The following NFKB1 variants were observed in gnomAD, a reference collection of about 807,000 sequenced individuals.
The protein encoded by NFKB1 is nuclear factor kappa B subunit 1, also known as nuclear factor NF-kappa-B p105 subunit.
In NFKB1, 9 loss-of-function variants were observed where a neutral mutation model predicts 105.1. The ratio of observed to expected loss-of-function variants is 0.09; its 90% CI spans 0.05 to 0.15. The LOEUF is 0.15. Among genes scored for constraint, NFKB1 ranks in the 10% least tolerant of loss-of-function variants. The pLI, the probability that NFKB1 is intolerant of heterozygous loss-of-function variation, is 1.00. For synonymous variants in NFKB1, 440 were observed against 442.2 expected, an observed-to-expected ratio of 1.00 and a Z score of 0.06; for missense variants, 830 against 1,203.7, an observed-to-expected ratio of 0.69 and a Z score of 4.59.
intron 5 of NFKB1, among the ~76,000 whole-genome samples, chr4:102,549,339 A>G (rs1243964822): frequency 6.7e-6 from 1 of 149,550 alleles, no homozygotes; most frequent in Non-Finnish European, 1.5e-5. Flanking sequence ...GTGTTGTTTT[A>G]TATACATAAA....
intron 2 of NFKB1, among the ~76,000 whole-genome samples, chr4:102,527,305 G>A (rs968192786): frequency 6.6e-6 from 1 of 152,154 alleles, no homozygotes; most frequent in African/African-American, 2.4e-5. Flanking sequence ...GCAGAGTTAC[G>A]GAGGACTTTC....
chr4:102,515,108 T>TTATTA (rs1491423281), intron 1 of NFKB1, among the ~76,000 whole-genome samples: 10 of 80,294 alleles, frequency 1.2e-4, no homozygotes, highest in African/African-American at 7.6e-4. Flanking sequence ...ATTATTATTA[T>TTATTA]TTTTTTTTTT....
At chr4:102,555,559 A>G (rs1391299440) in intron 5 of NFKB1, among the ~76,000 whole-genome samples, 1 of 152,226 alleles carries the variant, frequency 6.6e-6, no homozygotes, top group Non-Finnish European at 1.5e-5. Context: ...GCTCTAATGT[A>G]AAGATAAATT....
In NFKB1 at chr4:102,552,769, A is replaced by G. The variant is rs886525121; in HGVS notation, c.259-14218A>G. Among the ~76,000 whole-genome samples, 5 of 152,286 alleles carry G rather than the reference A, an allele frequency of 3.3e-5. No homozygotes were observed. In the East Asian group the frequency reaches 9.6e-4, roughly 29 times the overall value. ...TGAACAACATAAAGTTAAGACATAA[A>G]AGGGTTTTTTTTGCAGGTTTAAAGT... On this transcript the variant is annotated intron_variant, in intron 5 of 23. Transcript: ENST00000226574.
intron 1 of NFKB1, among the ~76,000 whole-genome samples, chr4:102,524,862 C>T (rs1025551859): frequency 6.6e-6 from 1 of 152,164 alleles, no homozygotes; most frequent in African/African-American, 2.4e-5. Context: ...ACACGGAGCT[C>T]AGGCAGTAAT....
intron 11 of NFKB1, among the ~76,000 whole-genome samples, chr4:102,589,779 G>GA (rs946737250): frequency 6.6e-6 from 1 of 151,882 alleles, no homozygotes; most frequent in Admixed American, 6.6e-5. Flanking sequence ...TATTTAATTT[G>GA]AAAAAACGAA....
intron 7 of NFKB1, chr4:102,577,808 C>G (rs72931447): frequency 1.7e-4 from 166 of 985,508 alleles, no homozygotes; most frequent in African/African-American, 1.1e-3. Context: ...CTCTGGCATT[C>G]CACACTACAT....
rs1328954485 is a variant in NFKB1, at chr4:102,582,893, A to C, written c.863A>C (p.Glu288Ala). ...GACATCCAGATTCGATTTTATGAAG[A>C]GGAAGAAAATGGTGGAGTCTGGGAA... ...KDDIQIRFYE[E>A]EENGGVWEGF... The change falls in exon 10 of 24, where the codon GAG (glutamate) becomes GCG (alanine). Residue 288 changes from glutamate (E) to alanine (A), a missense_variant. Coordinates refer to ENST00000226574, the MANE Select transcript of NFKB1 (RefSeq NM_003998.4). 6.2e-7 allele frequency: 1 copy of C among 1,612,476 alleles called. No individual in the cohort carries two copies. Among genetic ancestry groups the C allele is most frequent in the South Asian group, 1.1e-5 (1 of 90,896 alleles).
chr4:102,573,164 C>T (rs753674449), intron 6 of NFKB1, among the ~76,000 whole-genome samples: 34 of 152,144 alleles, frequency 2.2e-4, no homozygotes, highest in Admixed American at 5.9e-4. Flanking sequence ...CAAAATTAGC[C>T]AGGCATGGTG....
chr4:102,579,655 A>G (rs959464556), intron 8 of NFKB1, among the ~76,000 whole-genome samples: 3 of 146,292 alleles, frequency 2.1e-5, no homozygotes, highest in South Asian at 4.2e-4. Flanking sequence ...AAATATATAT[A>G]TATATATATG....
At chr4:102,569,328 G>A (rs1451363561) in intron 6 of NFKB1, among the ~76,000 whole-genome samples, 1 of 152,106 alleles carries the variant, frequency 6.6e-6, no homozygotes, top group Non-Finnish European at 1.5e-5. Context: ...AAATGAGAGA[G>A]TTTCACTACA....
chr4:102,536,814 C>CT (rs776879127), intron 4 of NFKB1, among the ~76,000 whole-genome samples: 2 of 152,058 alleles, frequency 1.3e-5, no homozygotes, highest in Non-Finnish European at 2.9e-5. Context: ...AAAATCTTAA[C>CT]GTATTTTCTT....
intron 16 of NFKB1, 64 bp from the exon 17 acceptor site, chr4:102,606,432 A>G (rs1239119275): frequency 1.3e-5 from 20 of 1,490,176 alleles, no homozygotes; most frequent in Non-Finnish European, 1.8e-5. Context: ...ACAGCTACCA[A>G]GCTGTGAGTT....
In NFKB1 at chr4:102,616,589, A is replaced by AT; in HGVS notation, c.2908dup (p.Ter970LeufsTer4). On this transcript the variant is annotated frameshift_variant, in exon 24 of 24. Coordinates refer to ENST00000226574, the MANE Select transcript of NFKB1 (RefSeq NM_003998.4). LOFTEE classifies it high-confidence loss of function. ...GCAGGAAGGACCTCTAGAAGGCAAAATTTAGCCTGCTGACAATTTCCCACA... is the reference window on the plus strand; with the variant it reads ...GCAGGAAGGACCTCTAGAAGGCAAAATTTTAGCCTGCTGACAATTTCCCACA... 6.2e-7 allele frequency: 1 copy of AT among 1,613,784 alleles called. No homozygotes were observed. The highest frequency in any genetic ancestry group is 8.5e-7 in the Non-Finnish European group (1 of 1,179,864).
At chr4:102,614,122 C>T (rs956962264) in intron 23 of NFKB1, among the ~76,000 whole-genome samples, 5 of 152,186 alleles carry the variant, frequency 3.3e-5, no homozygotes, top group Non-Finnish European at 5.9e-5. Flanking sequence ...TCCTTCCCTC[C>T]CCTTACTCAT....
intron 11 of NFKB1, among the ~76,000 whole-genome samples, chr4:102,586,082 C>T (rs558817068): frequency 3.3e-5 from 5 of 152,064 alleles, no homozygotes; most frequent in African/African-American, 9.7e-5. Flanking sequence ...CTGAGGGTAC[C>T]ATTTAGGAGG....
At chr4:102,606,314 T>A (rs958813190) in intron 16 of NFKB1, among the ~76,000 whole-genome samples, 182 bp from the exon 17 acceptor site, 1 of 152,238 alleles carries the variant, frequency 6.6e-6, no homozygotes, top group Admixed American at 6.5e-5. Context: ...GTACAGTATA[T>A]GTACTTCATT....
chr4:102,536,325 A>C (rs1349794322), intron 4 of NFKB1, among the ~76,000 whole-genome samples: 1 of 152,164 alleles, frequency 6.6e-6, no homozygotes, highest in Non-Finnish European at 1.5e-5. Flanking sequence ...TAGATCTGGA[A>C]TCTCCCAAGG....
At position 102,596,215 on chromosome 4, in the gene NFKB1, G is replaced by A; in HGVS notation, c.1378G>A (p.Gly460Arg). 3.1e-6 allele frequency: 5 copies of A among 1,613,470 alleles called. No individual in the cohort carries two copies. In the South Asian group the frequency reaches 5.5e-5, roughly 18 times the overall value. Residue 460 changes from glycine to arginine, a missense_variant, in exon 14 of 24, where the codon GGG becomes AGG. By Grantham distance (125) the Gly-to-Arg change is moderately radical. This residue lies in a region of NFKB1 where 163 missense variants were observed against 164.3 expected (regional missense o/e 0.99). Transcript: ENST00000226574. ...TGACAAAAACACTGTAAACCTCTTT[G>A]GGAAAGTTATTGAAACCACAGAGCA... Reference protein sequence around the residue: ...SDDKNTVNLFGKVIETTEQDQ... With the variant: ...SDDKNTVNLFRKVIETTEQDQ...
Sources: allele counts gnomAD v4.1 joint callset (sites outside exome capture counted in the v4.1 genomes callset), GRCh38; gene constraint gnomAD v4.1.1; regional missense constraint gnomAD v4.1.1; transcripts MANE v1.5; gene names NCBI Gene and HGNC (gene_info 2026-07-23, HGNC 2026-07-21).